The following CEP83 variants were observed in gnomAD, a reference collection of about 807,000 sequenced individuals.
CEP83 encodes centrosomal protein 83.
In CEP83, 70 loss-of-function variants were observed where a neutral mutation model predicts 101.9. That is an observed-to-expected ratio of 0.69 (90% CI 0.57 to 0.84). CEP83 has a LOEUF of 0.84. Ranked by LOEUF, CEP83 falls within the 40% of genes least tolerant of loss-of-function variation. The pLI, the probability that CEP83 is intolerant of heterozygous loss-of-function variation, is 0.00. For missense variants in CEP83, 715 were observed against 787.2 expected, an observed-to-expected ratio of 0.91 and a Z score of 1.10; for synonymous variants, 264 against 267.9, an observed-to-expected ratio of 0.99 and a Z score of 0.14.
intron 11 of CEP83, among the ~76,000 whole-genome samples, chr12:94,352,607 G>GA (rs958175308): frequency 2.6e-5 from 4 of 151,926 alleles, no homozygotes; most frequent in East Asian, 1.9e-4. Context: ...ACGAAATCAG[G>GA]AAAAAATGAT....
chr12:94,351,366 G>A (rs2060190422), intron 11 of CEP83, among the ~76,000 whole-genome samples: 2 of 152,138 alleles, frequency 1.3e-5, no homozygotes, highest in South Asian at 4.1e-4. Context: ...CCCACTCCCT[G>A]TGACCCAAGC....
chr12:94,444,103 A>G (rs1348269904), intron 1 of CEP83, among the ~76,000 whole-genome samples: 1 of 152,202 alleles, frequency 6.6e-6, no homozygotes, highest in Non-Finnish European at 1.5e-5. Flanking sequence ...AGTTATCAAG[A>G]AATTTCTACC....
At chr12:94,424,394 A>C in intron 2 of CEP83, 2 of 1,614,014 alleles carry the variant, frequency 1.2e-6, no homozygotes, top group Non-Finnish European at 1.7e-6. Flanking sequence ...AAAGTGGGTG[A>C]TGATGGCTTC....
chr12:94,375,160 C>T (rs555179644), intron 8 of CEP83, among the ~76,000 whole-genome samples: 9 of 151,608 alleles, frequency 5.9e-5, no homozygotes, highest in Non-Finnish European at 4.4e-5. Context: ...AAAGGAGAGA[C>T]CAAAAAATAA....
At chr12:94,277,830 G>C in the CEP83 span, 1 of 412,600 alleles carries the variant, frequency 2.4e-6, no homozygotes, top group Admixed American at 2.6e-5. Flanking sequence ...CTAAGCCCTT[G>C]AATGCATGAT....
chr12:94,375,486 A>G (rs1271681804), intron 8 of CEP83, among the ~76,000 whole-genome samples: 1 of 152,220 alleles, frequency 6.6e-6, no homozygotes, highest in Non-Finnish European at 1.5e-5. Context: ...TCCAGATCAT[A>G]CAGAGCTCTG....
At chr12:94,344,568 TAAG>T (rs1475346023) in intron 11 of CEP83, among the ~76,000 whole-genome samples, 3 of 151,198 alleles carry the variant, frequency 2.0e-5, no homozygotes, top group East Asian at 1.9e-4. Context: ...AACGAACAAT[TAAG>T]AAGTCAAATG....
chr12:94,335,854 T>C (rs1325314008), intron 11 of CEP83, 190 bp from the exon 12 acceptor site: 3 of 530,906 alleles, frequency 5.7e-6, no homozygotes, highest in African/African-American at 2.0e-5. Flanking sequence ...GCTATTGTGA[T>C]AGGAAAATCT....
intron 6 of CEP83, among the ~76,000 whole-genome samples, chr12:94,396,205 A>T (rs181191781): frequency 4.6e-5 from 7 of 151,660 alleles, no homozygotes; most frequent in Non-Finnish European, 1.0e-4. Context: ...TAATGACTAT[A>T]TATGCAACTT....
chr12:94,339,125 C>A (rs553132457), intron 11 of CEP83, among the ~76,000 whole-genome samples: 1 of 152,092 alleles, frequency 6.6e-6, no homozygotes, highest in East Asian at 1.9e-4. Context: ...CCACCACGCC[C>A]GGCTAATTTT....
At chr12:94,421,496 T>C (rs1423805523) in intron 2 of CEP83, among the ~76,000 whole-genome samples, 1 of 152,228 alleles carries the variant, frequency 6.6e-6, no homozygotes, top group East Asian at 1.9e-4. Flanking sequence ...CTCATGGTTG[T>C]GAGGCTACCA....
At chr12:94,454,413 G>C (rs898544407) in intron 1 of CEP83, among the ~76,000 whole-genome samples, 4 of 152,200 alleles carry the variant, frequency 2.6e-5, no homozygotes, top group African/African-American at 9.7e-5. Flanking sequence ...TCTAGCTAAA[G>C]GATTGCAAAT....
At chr12:94,412,228 A>G (rs924004880) in intron 3 of CEP83, 90 bp downstream of exon 3, 4 of 1,074,184 alleles carry the variant, frequency 3.7e-6, no homozygotes, top group Non-Finnish European at 5.2e-6. Context: ...AAATAACAAA[A>G]TTATACTATA....
At chr12:94,349,285 C>CAAA (rs567484415) in intron 11 of CEP83, among the ~76,000 whole-genome samples, 37 of 73,468 alleles carry the variant, frequency 5.0e-4, no homozygotes, top group African/African-American at 9.5e-4. Context: ...GACTCTGTCT[C>CAAA]AAAAAAAAAA....
intron 1 of CEP83, among the ~76,000 whole-genome samples, chr12:94,459,008 G>A (rs985408071): frequency 1.3e-5 from 2 of 152,174 alleles, no homozygotes; most frequent in Admixed American, 6.5e-5. Flanking sequence ...AGATTATGAA[G>A]TATATATCAT....
intron 11 of CEP83, among the ~76,000 whole-genome samples, chr12:94,344,842 G>A (rs1375139348): frequency 1.3e-5 from 2 of 151,996 alleles, no homozygotes; most frequent in African/African-American, 4.8e-5. Context: ...TATTTGAAAG[G>A]CAAAGGACCT....
intron 1 of CEP83, among the ~76,000 whole-genome samples, chr12:94,441,958 T>C (rs980308800): frequency 2.6e-5 from 4 of 151,706 alleles, no homozygotes; most frequent in African/African-American, 9.7e-5. Flanking sequence ...AACTACCATT[T>C]GATCCAGCAA....
chr12:94,455,242 A>G (rs927299501), intron 1 of CEP83, among the ~76,000 whole-genome samples: 1 of 152,214 alleles, frequency 6.6e-6, no homozygotes, highest in East Asian at 1.9e-4. Flanking sequence ...TAAGTTTAAC[A>G]ATATCTGAAA....
chr12:94,400,723 T>C, intron 6 of CEP83, 127 bp downstream of exon 6: 1 of 440,276 alleles, frequency 2.3e-6, no homozygotes, highest in Non-Finnish European at 3.5e-6. Context: ...AAAATCATGA[T>C]GAATACTCCA....
Sources: gnomAD v4.1 joint callset for allele counts (sites outside exome capture counted in the v4.1 genomes callset) on GRCh38, gnomAD v4.1.1 for gene constraint, MANE v1.5 for transcripts, NCBI Gene and HGNC (gene_info 2026-07-23, HGNC 2026-07-21) for gene names.